The following NFXL1 variants were observed in gnomAD, a reference collection of about 807,000 sequenced individuals.
NFXL1 encodes nuclear transcription factor, X-box binding like 1.
A neutral mutation model predicts 123.3 loss-of-function variants in NFXL1; 66 were observed. The ratio of observed to expected loss-of-function variants is 0.54; its 90% CI spans 0.44 to 0.66. The LOEUF (loss-of-function observed/expected upper bound fraction) is 0.66, where lower values mean the gene tolerates loss of function less well. NFXL1 is among the 30% of genes least tolerant of loss of function. The probability of loss-of-function intolerance (pLI) is 0.00; values close to 1 mark genes in which losing one functional copy is unlikely to be tolerated. For synonymous variants in NFXL1, 346 were observed against 360.8 expected, an observed-to-expected ratio of 0.96 and a Z score of 0.46; for missense variants, 944 against 1,125.6, an observed-to-expected ratio of 0.84 and a Z score of 2.31.
intron 17 of NFXL1, 101 bp from the exon 18 acceptor site, chr4:47,875,394 C>A: frequency 1.3e-6 from 1 of 777,240 alleles, no homozygotes; most frequent in Non-Finnish European, 2.0e-6. Flanking sequence ...AAATAAAGTA[C>A]TTCTGCAGTT....
chr4:47,906,756 A>G (rs1175606296), intron 3 of NFXL1, among the ~76,000 whole-genome samples: 1 of 152,230 alleles, frequency 6.6e-6, no homozygotes, highest in Admixed American at 6.5e-5. Flanking sequence ...AACCAACCTT[A>G]TATTTTAAAA....
intron 15 of NFXL1, among the ~76,000 whole-genome samples, chr4:47,883,163 T>C (rs1452655881): frequency 6.6e-6 from 1 of 151,942 alleles, no homozygotes; most frequent in Non-Finnish European, 1.5e-5. Flanking sequence ...TGCTACATCT[T>C]GAACCTGGAA....
chr4:47,851,997 T>A, intron 20 of NFXL1, 55 bp from the exon 21 acceptor site: 2 of 1,279,666 alleles, frequency 1.6e-6, no homozygotes, highest in Non-Finnish European at 2.3e-6. Context: ...AAGACCTGTC[T>A]GCCATAAAAA....
At chr4:47,906,935 G>A (rs1002175026) in intron 3 of NFXL1, among the ~76,000 whole-genome samples, 16 of 152,294 alleles carry the variant, frequency 1.1e-4, no homozygotes, top group Non-Finnish European at 2.2e-4. Context: ...CTGAAAGCTG[G>A]AAGTACCAGT....
chr4:47,890,504 A>G (rs1303212056), intron 12 of NFXL1, 109 bp downstream of exon 12: 5 of 642,564 alleles, frequency 7.8e-6, no homozygotes, highest in Non-Finnish European at 1.4e-5. Flanking sequence ...GTCAAGTGAG[A>G]TAATGACTAT....
At chr4:47,899,141 A>AC in intron 6 of NFXL1, 21 bp from the exon 7 acceptor site, 2 of 86,530 alleles carry the variant, frequency 2.3e-5, no homozygotes, top group Non-Finnish European at 3.4e-5. Flanking sequence ...GTAAAAGCAA[A>AC]AAAAAAAAAA....
chr4:47,907,762 TA>T (rs1737627838), intron 3 of NFXL1, among the ~76,000 whole-genome samples: 1 of 152,242 alleles, frequency 6.6e-6, no homozygotes, highest in Non-Finnish European at 1.5e-5. Context: ...AAATGTTTTC[TA>T]CATACTAGAC....
At chr4:47,886,356 T>A (rs1425005020) in intron 12 of NFXL1, among the ~76,000 whole-genome samples, 1 of 152,188 alleles carries the variant, frequency 6.6e-6, no homozygotes, top group Non-Finnish European at 1.5e-5. Context: ...TGTATACTTT[T>A]TATTTGTAAT....
At chr4:47,904,591 T>C (rs1343134644) in intron 4 of NFXL1, among the ~76,000 whole-genome samples, 1 of 152,230 alleles carries the variant, frequency 6.6e-6, no homozygotes, top group Non-Finnish European at 1.5e-5. Context: ...ACCAAACTAT[T>C]TCATCTGACT....
chr4:47,849,131 A>C (rs1170286678), intron 22 of NFXL1, among the ~76,000 whole-genome samples: 2 of 152,160 alleles, frequency 1.3e-5, no homozygotes, highest in East Asian at 3.8e-4. Flanking sequence ...AATTCAAGTG[A>C]GTAAAGAGAA....
At chr4:47,892,660 A>T (rs2110090897) in intron 11 of NFXL1, among the ~76,000 whole-genome samples, 1 of 152,290 alleles carries the variant, frequency 6.6e-6, no homozygotes, top group East Asian at 1.9e-4. Context: ...TAAACAAAAG[A>T]GTGTTCCGGT....
intron 2 of NFXL1, among the ~76,000 whole-genome samples, 170 bp downstream of exon 2, chr4:47,913,799 A>C (rs1321573080): frequency 6.6e-6 from 1 of 152,242 alleles, no homozygotes; most frequent in Non-Finnish European, 1.5e-5. Context: ...AAATCTACCT[A>C]GAGTGCCGAA....
intron 18 of NFXL1, among the ~76,000 whole-genome samples, chr4:47,870,961 A>C (rs1431353493): frequency 2.6e-5 from 4 of 152,224 alleles, no homozygotes; most frequent in African/African-American, 9.6e-5. Context: ...AGGACCAAAT[A>C]AAGAATCCAC....
At chr4:47,911,206 C>T (rs1205321336) in intron 2 of NFXL1, among the ~76,000 whole-genome samples, 7 of 151,968 alleles carry the variant, frequency 4.6e-5, no homozygotes, top group Non-Finnish European at 5.9e-5. Flanking sequence ...AAGTATCCTG[C>T]TAAAATGCAG....
intron 18 of NFXL1, among the ~76,000 whole-genome samples, chr4:47,867,251 A>AG (rs1735154943): frequency 6.6e-6 from 1 of 152,160 alleles, no homozygotes; most frequent in Non-Finnish European, 1.5e-5. Context: ...GAAAAAAAAA[A>AG]TTAAGATAAA....
chr4:47,884,384 A>C lies in NFXL1; in HGVS notation c.1878T>G (p.Thr626=). 1 of 1,610,628 alleles carries C rather than the reference A, an allele frequency of 6.2e-7. No individual in the cohort carries two copies. Among genetic ancestry groups the C allele is most frequent in the South Asian group, 1.1e-5 (1 of 90,914 alleles). The part of the protein sequence containing the change: ...EQPSEPAFIQ[T]ALPCPPCQVP... ...CTTGACATGGAGGACACGGTAATGC[A>C]GTCTGAATAAATGCTGGCTCAGAAG... The change falls in exon 15 of 23, where the codon ACT becomes ACG. Residue 626 remains threonine (T), a synonymous_variant. Coordinates refer to ENST00000507489, the MANE Select transcript of NFXL1 (RefSeq NM_001278624.2).
At chr4:47,891,013 T>C (rs1453323154) in intron 11 of NFXL1, among the ~76,000 whole-genome samples, 1 of 152,222 alleles carries the variant, frequency 6.6e-6, no homozygotes, top group Non-Finnish European at 1.5e-5. Context: ...GGAATGTCAA[T>C]TCAGGAAAAC....
At position 47,910,826 on chromosome 4, in the gene NFXL1, G is replaced by A; in HGVS notation, c.404C>T (p.Thr135Ile). 6.4e-7 allele frequency: 1 copy of A among 1,567,614 alleles called. No individual in the cohort carries two copies. Among genetic ancestry groups the A allele is most frequent in the Non-Finnish European group, 8.6e-7 (1 of 1,160,794 alleles). Residue 135 changes from threonine to isoleucine, a missense_variant and splice_region_variant, in exon 3 of 23, where the codon ACA (threonine) becomes ATA (isoleucine). This residue lies in a region of NFXL1 where 303 missense variants were observed against 292.1 expected (regional missense o/e 1.04). Transcript: ENST00000507489. Reference protein sequence around the residue: ...ANTFITYTTQTDGDTRELERT... With the variant: ...ANTFITYTTQIDGDTRELERT... ...GTCAAAATTTAAAAGATCAGTACCT[G>A]TCTGAGTAGTGTATGTTATAAACGT...
chr4:47,909,764 T>C (rs1404074395), intron 3 of NFXL1, among the ~76,000 whole-genome samples: 2 of 151,944 alleles, frequency 1.3e-5, no homozygotes, highest in Non-Finnish European at 1.5e-5. Context: ...GTTCAAGCAA[T>C]TCTCCTGCCT....
Sources: gnomAD v4.1 joint callset for allele counts (sites outside exome capture counted in the v4.1 genomes callset) on GRCh38, gnomAD v4.1.1 for gene constraint, gnomAD v4.1.1 regional missense constraint, MANE v1.5 for transcripts, NCBI Gene and HGNC (gene_info 2026-07-23, HGNC 2026-07-21) for gene names.